Variants in FOCAD observed in about 807,000 individuals in gnomAD.
FOCAD encodes the protein KIAA1797.
A neutral mutation model predicts 225.6 loss-of-function variants in FOCAD; 198 were observed. That is an observed-to-expected ratio of 0.88 (90% CI 0.78 to 0.99). The LOEUF is 0.99. Ranked by LOEUF, FOCAD falls within the 50% of genes least tolerant of loss-of-function variation. The probability of loss-of-function intolerance (pLI) is 0.00; values close to 1 mark genes in which losing one functional copy is unlikely to be tolerated. For missense variants in FOCAD, 2,713 were observed against 2,123.6 expected, an observed-to-expected ratio of 1.28 and a Z score of -5.46; for synonymous variants, 897 against 755.0, an observed-to-expected ratio of 1.19 and a Z score of -3.08.
In FOCAD at chr9:20,752,004, T is replaced by A. The variant is rs1265856838; in HGVS notation, c.393-6086T>A. ...TCCTTCGCCCACTTTTTGATGGGGT[T>A]GTTTGTTTTTTTCTTGTAAATTTGT... On this transcript the variant is annotated intron_variant, in intron 5 of 43. Transcript: ENST00000338382. 3.4e-5 allele frequency among the ~76,000 whole-genome samples: 5 copies of A among 145,154 alleles called. No homozygotes were observed. In the East Asian group the frequency reaches 8.0e-4, roughly 23 times the overall value.
At chr9:20,957,341 G>C (rs1208620893) in intron 35 of FOCAD, among the ~76,000 whole-genome samples, 4 of 152,042 alleles carry the variant, frequency 2.6e-5, no homozygotes, top group Non-Finnish European at 4.4e-5. Flanking sequence ...TTACAGGCAT[G>C]AGCCACTGTA....
At chr9:20,959,151 C>T (rs891835516) in intron 35 of FOCAD, among the ~76,000 whole-genome samples, 3 of 152,098 alleles carry the variant, frequency 2.0e-5, no homozygotes, top group African/African-American at 7.2e-5. Flanking sequence ...ACATTCCCAC[C>T]AACAGTGAAT....
Position 20,786,787 on chromosome 9 carries a change from A to T in FOCAD, c.1198-2564A>T, listed in dbSNP as rs146639259. On this transcript the variant is annotated intron_variant, in intron 10 of 43. Coordinates refer to ENST00000338382, the MANE Select transcript of FOCAD (RefSeq NM_001375567.1). ...AAATAAAGATTCTCAATTATTTTCT[A>T]CCTGTAAAAGATGTCTTACAACCAC... 1.2e-3 allele frequency: 191 copies of T among 157,694 alleles called. 1 individual carries two copies. The highest frequency in any genetic ancestry group is 4.3e-3 in the African/African-American group (180 of 41,728). The allele number at this position is 157,694 out of a possible 1,614,324, so 9.8% of individuals were successfully genotyped here.
At chr9:20,781,652 T>C in intron 9 of FOCAD, 75 bp from the exon 10 acceptor site, 7 of 1,369,464 alleles carry the variant, frequency 5.1e-6, no homozygotes, top group Non-Finnish European at 7.3e-6. Context: ...TTGCATATCA[T>C]TCTTAAGCAA....
rs932992685 is a variant in FOCAD at position 20,659,312 on chromosome 9, C to T, written c.-78+486C>T. Among the ~76,000 whole-genome samples, 22 of 148,378 alleles carry T rather than the reference C, an allele frequency of 1.5e-4. No individual in the cohort carries two copies. The Admixed American group carries it at 1.5e-3, about 10-fold the overall frequency. On this transcript the variant is annotated intron_variant, in intron 2 of 45. Coordinates refer to the FOCAD transcript ENST00000380249. ...GTTCCAGCTAATTCGGAGGCTGAGG[C>T]ATGAGAATCGCCTGAACATGGGAGG...
At chr9:20,939,062 A>G (rs1587670405) in intron 28 of FOCAD, among the ~76,000 whole-genome samples, 1 of 146,554 alleles carries the variant, frequency 6.8e-6, no homozygotes, top group Non-Finnish European at 1.5e-5. Context: ...AGGCAGTAGT[A>G]TGGTGTGAAC....
Position 20,885,210 on chromosome 9 carries a change from T to G in FOCAD, c.2605T>G (p.Ser869Ala). Residue 869 changes from serine (S) to alanine (A), a missense_variant, in exon 21 of 44, where the codon TCA becomes GCA. Transcript: ENST00000338382. ...CAGAGGGCGAAGTTTCAAGCAGACTTCACTTGCTCTTGTACATGAGGTAGG... is the reference window on the plus strand; with the variant it reads ...CAGAGGGCGAAGTTTCAAGCAGACTGCACTTGCTCTTGTACATGAGGTAGG... ...ASRGRSFKQT[S>A]LALVHEVHIQ... is the part of the protein sequence containing the mutation. 1 of 1,530,096 alleles carries G rather than the reference T, an allele frequency of 6.5e-7. No homozygotes were observed. Among genetic ancestry groups the G allele is most frequent in the Non-Finnish European group, 8.8e-7 (1 of 1,136,256 alleles). The allele number at this position is 1,530,096 out of a possible 1,614,324, so 94.8% of individuals were successfully genotyped here. A position where few individuals can be genotyped will look rare whatever the true frequency, so the allele number is the denominator to read the frequency against.
At position 20,828,733 on chromosome 9, in the gene FOCAD, C is replaced by T. The variant is rs558590778; in HGVS notation, c.1920+5618C>T. 5.3e-5 allele frequency among the ~76,000 whole-genome samples: 8 copies of T among 152,176 alleles called. 1 individual carries two copies. In the East Asian group the frequency reaches 5.8e-4, roughly 11 times the overall value. ...GTTTGCTGCACCTATCAAACCATCA[C>T]CTAGGTGTTAATCCCAGCAGGCATT... On this transcript the variant is annotated intron_variant, in intron 15 of 43. Coordinates refer to ENST00000338382, the MANE Select transcript of FOCAD (RefSeq NM_001375567.1).
intron 22 of FOCAD, among the ~76,000 whole-genome samples, chr9:20,908,723 T>G (rs1017885154): frequency 1.9e-4 from 29 of 152,148 alleles, no homozygotes; most frequent in African/African-American, 6.8e-4. Flanking sequence ...TCTCTATATT[T>G]CTTTAAGAGC....
At chr9:20,911,007 C>G (rs544429520) in intron 22 of FOCAD, among the ~76,000 whole-genome samples, 1 of 151,990 alleles carries the variant, frequency 6.6e-6, no homozygotes, top group Non-Finnish European at 1.5e-5. Context: ...TATCTTTAAA[C>G]GGATTTTTAA....
At chr9:20,871,371 A>G (rs1829749330) in intron 18 of FOCAD, among the ~76,000 whole-genome samples, 1 of 152,094 alleles carries the variant, frequency 6.6e-6, no homozygotes, top group Admixed American at 6.6e-5. Flanking sequence ...TAATAGATAC[A>G]TATGCAGTTT....
At chr9:20,920,773 T>A (rs1834341049) in intron 24 of FOCAD, among the ~76,000 whole-genome samples, 1 of 143,652 alleles carries the variant, frequency 7.0e-6, no homozygotes, top group Non-Finnish European at 1.5e-5. Flanking sequence ...TGAGAACACA[T>A]GGACACAGGA....
chr9:20,914,919 T>A (rs552680450), intron 23 of FOCAD, among the ~76,000 whole-genome samples: 1 of 152,200 alleles, frequency 6.6e-6, no homozygotes, highest in Non-Finnish European at 1.5e-5. Flanking sequence ...TAAATTGATT[T>A]TGAATCTATT....
At chr9:20,937,329 T>G (rs1836088108) in intron 28 of FOCAD, among the ~76,000 whole-genome samples, 1 of 151,394 alleles carries the variant, frequency 6.6e-6, no homozygotes. Context: ...CTTCAAACTA[T>G]ACTACAAGGC....
chr9:20,668,409 T>G (rs963955669), intron 2 of FOCAD, among the ~76,000 whole-genome samples: 1 of 152,232 alleles, frequency 6.6e-6, no homozygotes. Flanking sequence ...GTTGCTTTAT[T>G]TACTAGCATT....
intron 21 of FOCAD, among the ~76,000 whole-genome samples, chr9:20,902,557 C>T (rs1188912777): frequency 1.3e-5 from 2 of 151,754 alleles, no homozygotes; most frequent in African/African-American, 4.8e-5. Flanking sequence ...AAAGGTTTTG[C>T]AAAGTTCTGA....
chr9:20,773,241 T>A (rs537265818), intron 8 of FOCAD, among the ~76,000 whole-genome samples: 1 of 152,350 alleles, frequency 6.6e-6, no homozygotes, highest in South Asian at 2.1e-4. Flanking sequence ...CAGATGCCTA[T>A]GGCAAACACT....
intron 16 of FOCAD, 142 bp from the exon 17 acceptor site, chr9:20,865,784 G>A: frequency 1.8e-6 from 1 of 542,608 alleles, no homozygotes; most frequent in Non-Finnish European, 3.3e-6. Flanking sequence ...TTTTATGAAT[G>A]ATGGGTGAAT....
At chr9:20,691,451 CATT>C (rs1437639317) in intron 1 of FOCAD, among the ~76,000 whole-genome samples, 25 of 151,392 alleles carry the variant, frequency 1.7e-4, no homozygotes, top group African/African-American at 4.4e-4. Flanking sequence ...TAAATATTAG[CATT>C]ATTATTATTT....
Sources: gnomAD v4.1 joint callset for allele counts (sites outside exome capture counted in the v4.1 genomes callset) on GRCh38, gnomAD v4.1.1 for gene constraint, MANE v1.5 for transcripts, NCBI Gene and HGNC (gene_info 2026-07-23, HGNC 2026-07-21) for gene names.